C12orf50: variants seen among roughly 807,000 people sequenced by gnomAD.
C12orf50 encodes the protein uncharacterized protein C12orf50.
C12orf50 carries 35 observed loss-of-function variants against 61.6 expected under a neutral mutation model. That is an observed-to-expected ratio of 0.57 (90% CI 0.43 to 0.75). The LOEUF (loss-of-function observed/expected upper bound fraction) is 0.75, where lower values mean the gene tolerates loss of function less well. C12orf50 is among the 30% of genes least tolerant of loss of function. C12orf50 has a pLI of 0.00. For missense variants in C12orf50, 475 were observed against 488.5 expected, an observed-to-expected ratio of 0.97 and a Z score of 0.26; for synonymous variants, 178 against 161.5, an observed-to-expected ratio of 1.10 and a Z score of -0.77.
At position 88,026,575 on chromosome 12, in the gene C12orf50, G is replaced by T; in HGVS notation, c.46C>A (p.Gln16Lys). Residue 16 changes from glutamine to lysine, a missense_variant, in exon 3 of 13, where the codon CAG becomes AAG. By Grantham distance (53) the Gln-to-Lys change is moderately conservative. Transcript: ENST00000298699. ...CTGATCTTCACACAACCAAGAGGCT[G>T]AGTTTCCCAGAAGCATGAAATGCTG... is the stretch of plus-strand genomic sequence containing the variant. Reference protein sequence around the residue: ...NCSISCFWETQPLGCVKISCI... With the variant: ...NCSISCFWETKPLGCVKISCI... 6.2e-7 allele frequency: 1 copy of T among 1,613,726 alleles called. No homozygotes were observed. Among genetic ancestry groups the T allele is most frequent in the Non-Finnish European group, 8.5e-7 (1 of 1,179,978 alleles).
At position 88,028,643 on chromosome 12, in the gene C12orf50, C is replaced by A. The variant is rs527567612; in HGVS notation, c.-109+697G>T. On this transcript the variant is annotated intron_variant, in intron 1 of 12. Transcript: ENST00000298699. ...GGTTAATAAATTTCAAATAGGAAAA[C>A]AGATTTATTACACTAAGATTGACAC... Among the ~76,000 whole-genome samples, 230 of 152,076 alleles carry A rather than the reference C, an allele frequency of 1.5e-3. 1 individual carries two copies. The highest frequency in any genetic ancestry group is 2.2e-3 in the Non-Finnish European group (148 of 67,928).
chr12:87,997,303 A>G (rs1437474772), intron 4 of C12orf50, among the ~76,000 whole-genome samples: 1 of 152,200 alleles, frequency 6.6e-6, no homozygotes, highest in Non-Finnish European at 1.5e-5. Flanking sequence ...ACATATGTAG[A>G]TAAACAGATA....
intron 1 of C12orf50, among the ~76,000 whole-genome samples, 190 bp from the exon 2 acceptor site, chr12:88,027,260 A>G (rs190127059): frequency 3.7e-4 from 57 of 152,344 alleles, no homozygotes; most frequent in Non-Finnish European, 2.6e-4. Flanking sequence ...AAGCAACAAG[A>G]TAGTCTAATG....
At position 87,989,386 on chromosome 12, in the gene C12orf50, T is replaced by C. The variant is rs1323778508; in HGVS notation, c.593-15A>G. ...ACAGTCACCTCCTATGACAAAACCT[T>C]ACTGTCAGTGGCAACAATGGCAGAA... On this transcript the variant is annotated splice_polypyrimidine_tract_variant and intron_variant, in intron 7 of 12. Coordinates refer to ENST00000298699, the MANE Select transcript of C12orf50 (RefSeq NM_152589.3). 1 of 1,578,960 alleles carries C rather than the reference T, an allele frequency of 6.3e-7. No individual in the cohort carries two copies. Among genetic ancestry groups the C allele is most frequent in the East Asian group, 2.2e-5 (1 of 44,596 alleles).
At chr12:87,995,991 AGT>A (rs1283384858) in intron 6 of C12orf50, among the ~76,000 whole-genome samples, 2 of 152,212 alleles carry the variant, frequency 1.3e-5, no homozygotes, top group Admixed American at 1.3e-4. Flanking sequence ...TTCTGCCACT[AGT>A]GTCATTCTGT....
In C12orf50 at chr12:88,018,650, G is replaced by A. The variant is rs2136484495; in HGVS notation, c.133+7838C>T. 1.3e-5 allele frequency among the ~76,000 whole-genome samples: 2 copies of A among 152,330 alleles called. 1 individual carries two copies. Among genetic ancestry groups the A allele is most frequent in the Admixed American group, 1.3e-4 (2 of 15,310 alleles). ...CACTTAACACCAGCCAGTGAAAGCA[G>A]CCAGGAGCAGGGGCTCTACCCTGCA... On this transcript the variant is annotated intron_variant, in intron 3 of 12. Transcript: ENST00000298699.
At chr12:87,991,005 G>A (rs1349662946) in intron 7 of C12orf50, among the ~76,000 whole-genome samples, 2 of 152,038 alleles carry the variant, frequency 1.3e-5, no homozygotes, top group East Asian at 1.9e-4. Context: ...CCAGAGTAGA[G>A]GTATCTTGGT....
intron 7 of C12orf50, among the ~76,000 whole-genome samples, 155 bp from the exon 8 acceptor site, chr12:87,989,526 A>C (rs1056792162): frequency 2.6e-4 from 40 of 152,112 alleles, no homozygotes; most frequent in African/African-American, 8.7e-4. Context: ...TTATATGCTT[A>C]GATTAATACA....
chr12:87,994,819 G>A, intron 6 of C12orf50, 76 bp from the exon 7 acceptor site: 1 of 893,780 alleles, frequency 1.1e-6, no homozygotes, highest in Admixed American at 2.3e-5. Flanking sequence ...TAGAATGCAT[G>A]ATGAAAGTAA....
intron 7 of C12orf50, among the ~76,000 whole-genome samples, chr12:87,994,237 A>C (rs1381800360): frequency 6.6e-6 from 1 of 152,002 alleles, no homozygotes; most frequent in Non-Finnish European, 1.5e-5. Flanking sequence ...AAGTAGATAA[A>C]TAAAAAGTAG....
chr12:88,026,630 G>T, intron 2 of C12orf50, 22 bp from the exon 3 acceptor site: 4 of 1,609,910 alleles, frequency 2.5e-6, no homozygotes, highest in South Asian at 1.1e-5. Context: ...GAGATTGGGG[G>T]AAATGTAATG....
intron 1 of C12orf50, among the ~76,000 whole-genome samples, chr12:88,028,145 T>G (rs774761068): frequency 2.0e-5 from 3 of 152,222 alleles, no homozygotes; most frequent in Non-Finnish European, 4.4e-5. Flanking sequence ...TTTATTCATT[T>G]AATTATTTAC....
intron 3 of C12orf50, among the ~76,000 whole-genome samples, chr12:88,021,057 A>G (rs1443815400): frequency 6.6e-6 from 1 of 152,220 alleles, no homozygotes; most frequent in African/African-American, 2.4e-5. Context: ...GGAAGTTTAT[A>G]GCACTAAATG....
At chr12:88,020,839 C>T (rs1056863653) in intron 3 of C12orf50, among the ~76,000 whole-genome samples, 6 of 151,738 alleles carry the variant, frequency 4.0e-5, no homozygotes, top group South Asian at 2.1e-4. Context: ...CCAACCATGC[C>T]CTCAGGCCAC....
intron 3 of C12orf50, among the ~76,000 whole-genome samples, chr12:88,014,647 C>A (rs1165912749): frequency 6.6e-6 from 1 of 152,154 alleles, no homozygotes; most frequent in Non-Finnish European, 1.5e-5. Context: ...CAGAAACTGC[C>A]ACTTATTGAG....
intron 1 of C12orf50, among the ~76,000 whole-genome samples, chr12:88,027,569 G>T (rs2032753699): frequency 6.6e-6 from 1 of 152,098 alleles, no homozygotes; most frequent in African/African-American, 2.4e-5. Flanking sequence ...TTATGTTATT[G>T]TGGAATTTTA....
chr12:87,989,499 T>C, intron 7 of C12orf50, 128 bp from the exon 8 acceptor site: 1 of 602,448 alleles, frequency 1.7e-6, no homozygotes, highest in South Asian at 2.1e-5. Flanking sequence ...AGTGATACCA[T>C]ATCCATCTCC....
chr12:87,998,275 T>A, intron 3 of C12orf50, 85 bp from the exon 4 acceptor site: 1 of 994,314 alleles, frequency 1.0e-6, no homozygotes, highest in Non-Finnish European at 1.4e-6. Context: ...CCCTCCTAAT[T>A]AACTATATAT....
upstream of C12orf50, among the ~76,000 whole-genome samples, chr12:88,029,719 T>C (rs1203343720): frequency 2.0e-5 from 3 of 152,120 alleles, no homozygotes; most frequent in African/African-American, 7.2e-5. Flanking sequence ...CACTAAAAAT[T>C]TGCCATAGGT....
Sources: allele counts gnomAD v4.1 joint callset (sites outside exome capture counted in the v4.1 genomes callset), GRCh38; gene constraint gnomAD v4.1.1; transcripts MANE v1.5; gene names NCBI Gene and HGNC (gene_info 2026-07-23, HGNC 2026-07-21).